The following CXCL17 variants were observed in gnomAD, a reference collection of about 807,000 sequenced individuals.
CXCL17 encodes C-X-C motif chemokine 17.
Under a neutral mutation model 15.5 loss-of-function variants are expected in CXCL17, and 9 were observed. The ratio of observed to expected loss-of-function variants is 0.58; its 90% CI spans 0.35 to 1.01. CXCL17 has a LOEUF of 1.01. CXCL17 is among the 50% of genes least tolerant of loss of function. CXCL17 has a pLI of 0.02. For synonymous variants in CXCL17, 52 were observed against 52.3 expected, an observed-to-expected ratio of 0.99 and a Z score of 0.02; for missense variants, 133 against 138.2, an observed-to-expected ratio of 0.96 and a Z score of 0.19.
intron 3 of CXCL17, among the ~76,000 whole-genome samples, chr19:42,430,424 A>G (rs779213790): frequency 1.1e-4 from 16 of 151,888 alleles, no homozygotes; most frequent in Middle Eastern, 3.2e-3. Flanking sequence ...GGAGAAATCC[A>G]TCTCTACTAA....
At chr19:42,431,842 A>T (rs1165156261) in intron 3 of CXCL17, among the ~76,000 whole-genome samples, 1 of 152,010 alleles carries the variant, frequency 6.6e-6, no homozygotes, top group African/African-American at 2.4e-5. Flanking sequence ...CCCCTGGTTT[A>T]CTTAATTATT....
chr19:42,439,253 C>CAAGAA (rs2040867676), intron 1 of CXCL17, among the ~76,000 whole-genome samples: 1 of 77,510 alleles, frequency 1.3e-5, no homozygotes, highest in Non-Finnish European at 2.7e-5. Context: ...GACTCTATCT[C>CAAGAA]AAAAAAAAAA....
chr19:42,432,933 G>A (rs1057236116), intron 3 of CXCL17, 43 bp downstream of exon 3: 18 of 1,442,654 alleles, frequency 1.2e-5, no homozygotes, highest in South Asian at 2.3e-5. Context: ...GTGATTTCAC[G>A]GAGTGACTCT....
chr19:42,429,282 C>G (rs2040751486), intron 3 of CXCL17, among the ~76,000 whole-genome samples: 1 of 151,676 alleles, frequency 6.6e-6, no homozygotes. Context: ...CCACCTCGGC[C>G]TCCCAAAGTG....
At chr19:42,431,837 G>A (rs1423716376) in intron 3 of CXCL17, among the ~76,000 whole-genome samples, 2 of 151,878 alleles carry the variant, frequency 1.3e-5, no homozygotes, top group East Asian at 1.9e-4. Flanking sequence ...CACTGCCCCT[G>A]GTTTACTTAA....
intron 1 of CXCL17, among the ~76,000 whole-genome samples, chr19:42,438,125 G>A (rs1293326843): frequency 2.6e-5 from 4 of 151,442 alleles, no homozygotes; most frequent in Admixed American, 1.3e-4. Context: ...TTGGGAGGCC[G>A]AGGCAGGCGG....
chr19:42,438,403 T>TAC (rs1345208966), intron 1 of CXCL17, among the ~76,000 whole-genome samples: 3 of 95,644 alleles, frequency 3.1e-5, no homozygotes, highest in Non-Finnish European at 5.7e-5. Context: ...TATATATATA[T>TAC]ATAAAATACA....
At chr19:42,440,691 A>C (rs1237039289) in intron 1 of CXCL17, among the ~76,000 whole-genome samples, 1 of 152,208 alleles carries the variant, frequency 6.6e-6, no homozygotes, top group Non-Finnish European at 1.5e-5. Context: ...CTGAAACTCA[A>C]AAAAGTGAGG....
intron 1 of CXCL17, among the ~76,000 whole-genome samples, chr19:42,435,205 A>C (rs1024354781): frequency 2.6e-5 from 4 of 152,070 alleles, no homozygotes; most frequent in African/African-American, 9.7e-5. Flanking sequence ...TTCCTAAGAC[A>C]ATCAAGAATG....
intron 1 of CXCL17, among the ~76,000 whole-genome samples, chr19:42,436,179 A>G (rs1391418011): frequency 1.3e-5 from 2 of 149,064 alleles, no homozygotes; most frequent in Non-Finnish European, 2.9e-5. Context: ...ACGTGGATGG[A>G]TAAGTTGTTT....
chr19:42,440,617 G>T (rs993800671), intron 1 of CXCL17, among the ~76,000 whole-genome samples: 2 of 152,158 alleles, frequency 1.3e-5, no homozygotes, highest in African/African-American at 4.8e-5. Context: ...GACACGCTGC[G>T]GATCATTTAA....
intron 1 of CXCL17, among the ~76,000 whole-genome samples, chr19:42,439,719 A>G (rs563968386): frequency 2.0e-5 from 3 of 152,340 alleles, no homozygotes; most frequent in African/African-American, 7.2e-5. Context: ...GTAGCCGGAA[A>G]TATCAGACAA....
rs1173159989 is a variant in CXCL17, at chr19:42,433,009, AG to A, written c.228del (p.Cys77ValfsTer8). ...TTCACATTGCCCTTGAAATGATCACAGGGGCACTGCTTCTTTGGCAGCCCAG... is the reference window on the plus strand; with the variant it reads ...TTCACATTGCCCTTGAAATGATCACAGGGCACTGCTTCTTTGGCAGCCCAG... ...TVSGLPKKQC[P>X]CDHFKGNVKK... On this transcript the variant is annotated frameshift_variant, in exon 3 of 4. Coordinates refer to ENST00000601181, the MANE Select transcript of CXCL17 (RefSeq NM_198477.3). LOFTEE classifies it high-confidence loss of function. 2 of 1,614,124 alleles carry A rather than the reference AG, an allele frequency of 1.2e-6. No individual in the cohort carries two copies. Among genetic ancestry groups the A allele is most frequent in the Admixed American group, 1.7e-5 (1 of 60,018 alleles).
At chr19:42,440,034 G>C (rs2040876223) in intron 1 of CXCL17, among the ~76,000 whole-genome samples, 1 of 152,128 alleles carries the variant, frequency 6.6e-6, no homozygotes, top group African/African-American at 2.4e-5. Context: ...GATGAAGGCT[G>C]TACTGGAACT....
intron 1 of CXCL17, among the ~76,000 whole-genome samples, chr19:42,440,580 T>C (rs1046089683): frequency 6.6e-6 from 1 of 152,246 alleles, no homozygotes; most frequent in African/African-American, 2.4e-5. Context: ...TAGAAACTAC[T>C]CAGTCCATTT....
chr19:42,432,691 G>C (rs2040795472), intron 3 of CXCL17, among the ~76,000 whole-genome samples: 1 of 152,196 alleles, frequency 6.6e-6, no homozygotes, highest in Admixed American at 6.5e-5. Context: ...GTAATCTTCA[G>C]AGATTAATGA....
chr19:42,432,141 G>GTTTTTTTT (rs370344388), intron 3 of CXCL17, among the ~76,000 whole-genome samples: 10 of 108,614 alleles, frequency 9.2e-5, no homozygotes, highest in African/African-American at 2.9e-4. Flanking sequence ...TGCCAATTTA[G>GTTTTTTTT]TTTTTTTTTT....
At chr19:42,439,390 T>C (rs1384804940) in intron 1 of CXCL17, among the ~76,000 whole-genome samples, 2 of 151,772 alleles carry the variant, frequency 1.3e-5, no homozygotes, top group South Asian at 2.1e-4. Flanking sequence ...TAATTCTTTA[T>C]AGGAAACAAT....
intron 1 of CXCL17, among the ~76,000 whole-genome samples, chr19:42,441,416 G>T (rs1203129878): frequency 1.3e-5 from 2 of 152,156 alleles, no homozygotes; most frequent in African/African-American, 4.8e-5. Context: ...GGGCAAACAG[G>T]TTAGTTTGGT....
Sources: allele counts gnomAD v4.1 joint callset (sites outside exome capture counted in the v4.1 genomes callset), GRCh38; gene constraint gnomAD v4.1.1; transcripts MANE v1.5; gene names NCBI Gene and HGNC (gene_info 2026-07-23, HGNC 2026-07-21).